The following TPRG1 variants were observed in gnomAD, a reference collection of about 807,000 sequenced individuals.
The protein encoded by TPRG1 is tumor protein p63 regulated 1, also known as tumor protein p63-regulated gene 1 protein.
Under a neutral mutation model 29.3 loss-of-function variants are expected in TPRG1, and 29 were observed. The ratio of observed to expected loss-of-function variants is 0.99; its 90% CI spans 0.74 to 1.35. The LOEUF is 1.35. Ranked by LOEUF, TPRG1 falls within the 40% of genes most tolerant of loss-of-function variation. The pLI, the probability that TPRG1 is intolerant of heterozygous loss-of-function variation, is 0.00. For synonymous variants in TPRG1, 130 were observed against 116.8 expected (o/e 1.11, Z -0.73); for missense variants, 327 against 335.0 (o/e 0.98, Z 0.19).
At chr3:189,127,201 T>C (rs964772265) in exon 2 of TPRG1, 1 of 152,198 alleles carries the variant, frequency 6.6e-6, no homozygotes, top group African/African-American at 2.4e-5. Context: ...ATTTCTGATA[T>C]ACCTCCAAGG....
chr3:189,169,774 T>G (rs1230649998), upstream of TPRG1, among the ~76,000 whole-genome samples: 1 of 152,242 alleles, frequency 6.6e-6, no homozygotes, highest in Non-Finnish European at 1.5e-5. Flanking sequence ...TGGTGGGATC[T>G]GTACTGTAAC....
At chr3:189,028,646 G>A (rs925480673) in intron 4 of TPRG1, among the ~76,000 whole-genome samples, 1 of 152,124 alleles carries the variant, frequency 6.6e-6, no homozygotes, top group Non-Finnish European at 1.5e-5. Context: ...CAAGTATCAG[G>A]TTTTTAATTG....
intron 4 of TPRG1, among the ~76,000 whole-genome samples, chr3:189,277,623 C>T (rs1003595642): frequency 4.6e-5 from 7 of 152,192 alleles, no homozygotes; most frequent in African/African-American, 1.4e-4. Flanking sequence ...CAAAGTTTAA[C>T]GTCTTGAAGT....
At chr3:189,248,786 GTCTTC>G (rs533403075) in intron 4 of TPRG1, among the ~76,000 whole-genome samples, 1 of 150,970 alleles carries the variant, frequency 6.6e-6, no homozygotes, top group African/African-American at 2.4e-5. Flanking sequence ...TTCAGTGAAT[GTCTTC>G]TCTTACTATT....
At chr3:189,118,665 A>G (rs949452961) in intron 1 of TPRG1, among the ~76,000 whole-genome samples, 4 of 152,210 alleles carry the variant, frequency 2.6e-5, no homozygotes, top group Non-Finnish European at 4.4e-5. Flanking sequence ...AGGGGCCAAC[A>G]TACAGCTCAG....
rs558284598 is a variant in TPRG1 at position 189,205,300 on chromosome 3, G to C, written c.-9-2076G>C. 5.3e-5 allele frequency among the ~76,000 whole-genome samples: 8 copies of C among 152,256 alleles called. No homozygotes were observed. The East Asian group carries it at 1.5e-3, about 29-fold the overall frequency. On this transcript the variant is annotated intron_variant, in intron 1 of 5. Coordinates refer to ENST00000345063, the MANE Select transcript of TPRG1 (RefSeq NM_198485.4). ...AATCATATAAAGCAAACTGCATAAG[G>C]CTTTCCACTTGTGAGTTACCTTAGC...
intron 4 of TPRG1, among the ~76,000 whole-genome samples, chr3:189,050,560 G>A (rs1386123283): frequency 6.6e-6 from 1 of 152,098 alleles, no homozygotes; most frequent in African/African-American, 2.4e-5. Flanking sequence ...GAGAAAGAAG[G>A]AACCCTCCCT....
At position 189,320,927 on chromosome 3, in the gene TPRG1, A is replaced by G; in HGVS notation, c.*107A>G. The G allele has an allele frequency of 9.5e-7, 1 of 1,052,208 alleles. No homozygotes were observed. 65.2% of individuals were successfully genotyped at this position (1,052,208 alleles called of 1,614,324 possible). On this transcript the variant is annotated 3_prime_UTR_variant, in exon 6 of 6. Transcript: ENST00000345063. ...TGAAACAATTAATTATTTTTAAATG[A>G]CGCTTTATGATTTAGAAATTTAGTA...
chr3:189,220,543 G>T (rs1736778576), intron 3 of TPRG1, among the ~76,000 whole-genome samples: 1 of 152,094 alleles, frequency 6.6e-6, no homozygotes, highest in Non-Finnish European at 1.5e-5. Context: ...CAGGTACTAA[G>T]CCCAGTACTC....
chr3:189,236,706 A>C (rs1739507516), intron 3 of TPRG1, among the ~76,000 whole-genome samples: 1 of 152,200 alleles, frequency 6.6e-6, no homozygotes, highest in African/African-American at 2.4e-5. Flanking sequence ...TGAATATATA[A>C]TGGCAGGCAT....
chr3:189,085,161 A>T (rs1424514023), intron 4 of TPRG1, among the ~76,000 whole-genome samples: 1 of 152,164 alleles, frequency 6.6e-6, no homozygotes, highest in East Asian at 1.9e-4. Flanking sequence ...AACAAAAGCG[A>T]AAAGCAAGTA....
rs1056585390 is a variant in TPRG1 at position 189,050,217 on chromosome 3, A to G, written c.-463+26271A>G. Among the ~76,000 whole-genome samples, 5 of 152,308 alleles carry G rather than the reference A, an allele frequency of 3.3e-5. No individual in the cohort carries two copies. In the South Asian group the frequency reaches 1.0e-3, roughly 32 times the overall value. ...GATTAACCGAGAAAAGAAGAGAGAA[A>G]ATCCAAATAACCTCACTAAGAAACA... On this transcript the variant is annotated intron_variant, in intron 4 of 10. Coordinates refer to the TPRG1 transcript ENST00000433971.
At chr3:189,020,470 G>T (rs1198687138) in intron 3 of TPRG1, among the ~76,000 whole-genome samples, 3 of 150,290 alleles carry the variant, frequency 2.0e-5, no homozygotes, top group Non-Finnish European at 4.5e-5. Flanking sequence ...CTTTATTTCT[G>T]CCTTCATTTC....
chr3:189,322,443 T>C lies in TPRG1; in HGVS notation c.*1623T>C, dbSNP rs1468411700. The C allele has an allele frequency of 6.6e-6, 1 of 152,486 alleles. No individual in the cohort carries two copies. The highest frequency in any genetic ancestry group is 1.5e-5 in the Non-Finnish European group (1 of 68,000). 9.4% of individuals were successfully genotyped at this position (152,486 alleles called of 1,614,324 possible). On this transcript the variant is annotated 3_prime_UTR_variant, in exon 6 of 6. Coordinates refer to ENST00000345063, the MANE Select transcript of TPRG1 (RefSeq NM_198485.4). ...TTTCTTCCCCCCATGATGGCAAATATTGTTATAGTCCCCAAGGCAGGGAAC... is the reference window on the plus strand; with the variant it reads ...TTTCTTCCCCCCATGATGGCAAATACTGTTATAGTCCCCAAGGCAGGGAAC...
intron 5 of TPRG1, among the ~76,000 whole-genome samples, chr3:189,160,413 T>C (rs1727316866): frequency 6.6e-6 from 1 of 152,220 alleles, no homozygotes; most frequent in Non-Finnish European, 1.5e-5. Flanking sequence ...ATTGGAAGTG[T>C]TGGGATCAGC....
chr3:189,043,463 A>T (rs186068191), intron 4 of TPRG1, among the ~76,000 whole-genome samples: 1 of 152,336 alleles, frequency 6.6e-6, no homozygotes, highest in East Asian at 1.9e-4. Flanking sequence ...ACTGCATATC[A>T]TGCAGGCCCT....
At chr3:189,185,292 C>T (rs1170548539) in intron 1 of TPRG1, among the ~76,000 whole-genome samples, 2 of 152,044 alleles carry the variant, frequency 1.3e-5, no homozygotes, top group Admixed American at 6.6e-5. Flanking sequence ...AGCACAATCA[C>T]GGCTCACTGC....
chr3:189,232,793 G>T (rs560442997), intron 3 of TPRG1, among the ~76,000 whole-genome samples: 4 of 152,176 alleles, frequency 2.6e-5, no homozygotes, highest in Admixed American at 6.5e-5. Context: ...AGACCCAGGG[G>T]AAGAGGAACC....
chr3:189,131,829 A>T (rs1169830525), intron 2 of TPRG1, among the ~76,000 whole-genome samples: 1 of 152,196 alleles, frequency 6.6e-6, no homozygotes, highest in African/African-American at 2.4e-5. Flanking sequence ...GGAGAGCATA[A>T]TAGTGCCACA....
Sources: gnomAD v4.1 joint callset for allele counts (sites outside exome capture counted in the v4.1 genomes callset) on GRCh38, gnomAD v4.1.1 for gene constraint, MANE v1.5 for transcripts, NCBI Gene and HGNC (gene_info 2026-07-23, HGNC 2026-07-21) for gene names.